The following ALKBH8 variants were observed in gnomAD, a reference collection of about 807,000 sequenced individuals.
ALKBH8 encodes alkB homolog 8, tRNA methyltransferase.
A neutral mutation model predicts 59.8 loss-of-function variants in ALKBH8; 36 were observed. The ratio of observed to expected loss-of-function variants is 0.60; its 90% CI spans 0.46 to 0.79. ALKBH8 has a LOEUF of 0.79. ALKBH8 is among the 30% of genes least tolerant of loss of function. The pLI is 0.00. For missense variants in ALKBH8, 768 were observed against 801.0 expected, an observed-to-expected ratio of 0.96 and a Z score of 0.50; for synonymous variants, 276 against 273.6, an observed-to-expected ratio of 1.01 and a Z score of -0.09.
intron 3 of ALKBH8, among the ~76,000 whole-genome samples, chr11:107,555,798 C>T (rs752242299): frequency 6.6e-6 from 1 of 152,100 alleles, no homozygotes; most frequent in Non-Finnish European, 1.5e-5. Context: ...CATCTCAATA[C>T]ATCTCATTTT....
intron 7 of ALKBH8, among the ~76,000 whole-genome samples, chr11:107,532,622 A>G (rs1042959949): frequency 6.6e-5 from 10 of 152,208 alleles, no homozygotes; most frequent in Admixed American, 6.6e-4. Context: ...GAGATTCAGA[A>G]TCAGTAGGTC....
intron 11 of ALKBH8, among the ~76,000 whole-genome samples, chr11:107,510,531 G>C (rs902901287): frequency 2.0e-5 from 3 of 152,146 alleles, no homozygotes; most frequent in African/African-American, 7.2e-5. Flanking sequence ...AGTCTGAGGA[G>C]AGAGTATACT....
chr11:107,532,529 C>A, intron 7 of ALKBH8, 123 bp from the exon 8 acceptor site: 1 of 725,364 alleles, frequency 1.4e-6, no homozygotes, highest in South Asian at 1.8e-5. Context: ...ATAATGCTTG[C>A]AGAAAAGCAT....
At chr11:107,534,351 A>G (rs1321143061) in intron 7 of ALKBH8, among the ~76,000 whole-genome samples, 1 of 152,248 alleles carries the variant, frequency 6.6e-6, no homozygotes, top group Non-Finnish European at 1.5e-5. Context: ...GAAAACTGTC[A>G]TGATGGGAAA....
At chr11:107,537,686 A>G (rs1398853453) in intron 7 of ALKBH8, among the ~76,000 whole-genome samples, 2 of 150,174 alleles carry the variant, frequency 1.3e-5, no homozygotes, top group Admixed American at 6.7e-5. Context: ...AAACCTGCAC[A>G]TGTACCCCTG....
At chr11:107,531,442 C>A (rs1049757393) in intron 8 of ALKBH8, among the ~76,000 whole-genome samples, 1 of 152,088 alleles carries the variant, frequency 6.6e-6, no homozygotes, top group Non-Finnish European at 1.5e-5. Context: ...TATAACACAA[C>A]CGGCCTCCTC....
Position 107,504,471 on chromosome 11 carries a change from T to A in ALKBH8, c.*187A>T, listed in dbSNP as rs1357219865. 5.4e-6 allele frequency: 4 copies of A among 736,456 alleles called. 1 individual carries two copies. Among genetic ancestry groups the A allele is most frequent in the South Asian group, 4.6e-5 (3 of 65,256 alleles). 45.6% of individuals were successfully genotyped at this position (736,456 alleles called of 1,614,324 possible). On this transcript the variant is annotated 3_prime_UTR_variant, in exon 12 of 12. Coordinates refer to ENST00000428149, the MANE Select transcript of ALKBH8 (RefSeq NM_138775.3). Reference sequence around the variant, plus strand: ...GGAAGTAGGAGGAGCCAACACCACATCTGTGATGTCAGCCAACAGGAGACA... The same window carrying A: ...GGAAGTAGGAGGAGCCAACACCACAACTGTGATGTCAGCCAACAGGAGACA...
Position 107,503,859 on chromosome 11 carries a change from T to C in ALKBH8, c.*799A>G, listed in dbSNP as rs1387090848. 6.6e-6 allele frequency: 1 copy of C among 152,232 alleles called. No individual in the cohort carries two copies. The highest frequency in any genetic ancestry group is 1.5e-5 in the Non-Finnish European group (1 of 68,042). The allele number at this position is 152,232 out of a possible 1,614,324, so 9.4% of individuals were successfully genotyped here. A position where few individuals can be genotyped will look rare whatever the true frequency, so the allele number is the denominator to read the frequency against. On this transcript the variant is annotated 3_prime_UTR_variant, in exon 12 of 12. Coordinates refer to ENST00000428149, the MANE Select transcript of ALKBH8 (RefSeq NM_138775.3). ...TTGATAATAAATTAGTCAGGATTAG[T>C]AGTTATTTCAGTCACTTAAAAGTAA...
chr11:107,541,758 G>C (rs1864044172), intron 7 of ALKBH8, among the ~76,000 whole-genome samples: 1 of 152,068 alleles, frequency 6.6e-6, no homozygotes, highest in Non-Finnish European at 1.5e-5. Flanking sequence ...GAAAAAGATA[G>C]CCTAGCAGGG....
In ALKBH8 at chr11:107,519,312, T is replaced by G. The variant is rs529716212; in HGVS notation, c.1287+2987A>C. On this transcript the variant is annotated intron_variant, in intron 10 of 11. Transcript: ENST00000428149. ...TAGAGATGAGGTTTCTCCACGTTGG[T>G]CAGGCTGGTCTCGAACTCTCAACCT... Among the ~76,000 whole-genome samples, 10 of 151,660 alleles carry G rather than the reference T, an allele frequency of 6.6e-5. No individual in the cohort carries two copies. The South Asian group carries it at 2.1e-3, about 32-fold the overall frequency.
At chr11:107,556,725 C>A (rs374397938) in intron 3 of ALKBH8, 41 bp downstream of exon 3, 2 of 1,289,670 alleles carry the variant, frequency 1.6e-6, no homozygotes, top group African/African-American at 1.5e-5. Context: ...AAGAAAACAC[C>A]CAGAAGAATC....
rs376339906 is a variant in ALKBH8, at chr11:107,553,210, G to A, written c.500-7C>T. On this transcript the variant is annotated splice_polypyrimidine_tract_variant and splice_region_variant and intron_variant, in intron 4 of 11. Coordinates refer to ENST00000428149, the MANE Select transcript of ALKBH8 (RefSeq NM_138775.3). Reference sequence around the variant, plus strand: ...TGTTTTAAGGATTTTTGAGCTGTGTGAAGAGAACAAAGTAAACAATTAAGA... The same window carrying A: ...TGTTTTAAGGATTTTTGAGCTGTGTAAAGAGAACAAAGTAAACAATTAAGA... 1 of 1,563,430 alleles carries A rather than the reference G, an allele frequency of 6.4e-7. No homozygotes were observed. Among genetic ancestry groups the A allele is most frequent in the Non-Finnish European group, 8.7e-7 (1 of 1,147,552 alleles).
At chr11:107,521,126 G>A (rs1457802299) in intron 10 of ALKBH8, among the ~76,000 whole-genome samples, 1 of 152,068 alleles carries the variant, frequency 6.6e-6, no homozygotes, top group African/African-American at 2.4e-5. Flanking sequence ...ACAGGGTCCT[G>A]GAACTAACTC....
In ALKBH8 at chr11:107,532,423, A is replaced by T; in HGVS notation, c.772-17T>A. The T allele has an allele frequency of 6.3e-7, 1 of 1,598,858 alleles. No individual in the cohort carries two copies. The highest frequency in any genetic ancestry group is 8.6e-7 in the Non-Finnish European group (1 of 1,166,580). ...CATGACAATCTTGAAGCAAAGATAAAAGCATAAAGATCAATCCAAAATTTC... is the reference window on the plus strand; with the variant it reads ...CATGACAATCTTGAAGCAAAGATAATAGCATAAAGATCAATCCAAAATTTC... On this transcript the variant is annotated splice_polypyrimidine_tract_variant and intron_variant, in intron 7 of 11. Coordinates refer to ENST00000428149, the MANE Select transcript of ALKBH8 (RefSeq NM_138775.3).
rs76321739 is a variant in ALKBH8, at chr11:107,559,033, T to C, written c.129+1732A>G. Among the ~76,000 whole-genome samples the C allele has an allele frequency of 2.0e-5, 3 of 152,360 alleles. No homozygotes were observed. In the East Asian group the frequency reaches 5.8e-4, roughly 29 times the overall value. On this transcript the variant is annotated intron_variant, in intron 2 of 11. Coordinates refer to ENST00000428149, the MANE Select transcript of ALKBH8 (RefSeq NM_138775.3). Reference sequence around the variant, plus strand: ...GGAAATAATTGAATCATGGGGGCCATTTCCCCTATAATGTTCTCGTGGTAG... The same window carrying C: ...GGAAATAATTGAATCATGGGGGCCACTTCCCCTATAATGTTCTCGTGGTAG...
At chr11:107,529,345 T>C (rs1478943450) in intron 8 of ALKBH8, among the ~76,000 whole-genome samples, 3 of 152,204 alleles carry the variant, frequency 2.0e-5, no homozygotes, top group Admixed American at 6.5e-5. Flanking sequence ...CATGAAATAA[T>C]GCTTCCTGGG....
chr11:107,560,913 A>G lies in ALKBH8; in HGVS notation c.-6-14T>C. 1 of 1,599,790 alleles carries G rather than the reference A, an allele frequency of 6.3e-7. No homozygotes were observed. Among genetic ancestry groups the G allele is most frequent in the Non-Finnish European group, 8.5e-7 (1 of 1,174,144 alleles). ...GTCCATAGCAAACTGTAAAAAAACA[A>G]GACAGTAAAAAAGTCAACCTTAAGA... is the stretch of plus-strand genomic sequence containing the variant. On this transcript the variant is annotated splice_polypyrimidine_tract_variant and intron_variant, in intron 1 of 11. Coordinates refer to ENST00000428149, the MANE Select transcript of ALKBH8 (RefSeq NM_138775.3).
intron 7 of ALKBH8, among the ~76,000 whole-genome samples, chr11:107,540,661 T>C (rs1043904198): frequency 2.0e-5 from 3 of 152,200 alleles, no homozygotes; most frequent in African/African-American, 4.8e-5. Flanking sequence ...CTCTCACTTA[T>C]ATACCATGGC....
intron 11 of ALKBH8, among the ~76,000 whole-genome samples, chr11:107,510,550 T>C (rs1259378637): frequency 6.6e-6 from 1 of 152,070 alleles, no homozygotes; most frequent in Non-Finnish European, 1.5e-5. Flanking sequence ...CTCAAGAAGC[T>C]TGGAGCTGAT....
Sources: gnomAD v4.1 joint callset for allele counts (sites outside exome capture counted in the v4.1 genomes callset) on GRCh38, gnomAD v4.1.1 for gene constraint, MANE v1.5 for transcripts, NCBI Gene and HGNC (gene_info 2026-07-23, HGNC 2026-07-21) for gene names.